Variants in HSD17B14 observed in about 807,000 individuals in gnomAD.
The protein encoded by HSD17B14 is L-fucose dehydrogenase.
Under a neutral mutation model 32.2 loss-of-function variants are expected in HSD17B14, and 32 were observed. That is an observed-to-expected ratio of 0.99 (90% CI 0.75 to 1.33). The LOEUF is 1.33. Ranked by LOEUF, HSD17B14 falls within the 40% of genes most tolerant of loss-of-function variation. The pLI, the probability that HSD17B14 is intolerant of heterozygous loss-of-function variation, is 0.00. For synonymous variants in HSD17B14, 140 were observed against 155.4 expected, an observed-to-expected ratio of 0.90 and a Z score of 0.74; for missense variants, 370 against 366.5, an observed-to-expected ratio of 1.01 and a Z score of -0.08.
chr19:48,830,364 G>A (rs1402906901), intron 5 of HSD17B14, among the ~76,000 whole-genome samples: 1 of 152,144 alleles, frequency 6.6e-6, no homozygotes, highest in Non-Finnish European at 1.5e-5. Context: ...ACCTTGGGAT[G>A]TGTTTAAAGC....
intron 4 of HSD17B14, among the ~76,000 whole-genome samples, chr19:48,832,156 G>C (rs1443740211): frequency 6.7e-6 from 1 of 149,694 alleles, no homozygotes; most frequent in Non-Finnish European, 1.5e-5. Context: ...GAGGTGGGCA[G>C]ATCATCTGAG....
chr19:48,829,956 T>A (rs1021991793), intron 5 of HSD17B14, among the ~76,000 whole-genome samples: 2 of 151,964 alleles, frequency 1.3e-5, no homozygotes, highest in African/African-American at 4.8e-5. Flanking sequence ...ATGCTCTTTT[T>A]AAAAATTAAT....
intron 5 of HSD17B14, among the ~76,000 whole-genome samples, chr19:48,819,438 C>T (rs1298971817): frequency 6.6e-6 from 1 of 152,178 alleles, no homozygotes; most frequent in Non-Finnish European, 1.5e-5. Flanking sequence ...TGCCACAGCT[C>T]CCTATTGCTC....
In HSD17B14 at chr19:48,815,038, T is replaced by C. The variant is rs1324576430; in HGVS notation, c.473A>G (p.Lys158Arg). ...QAQAVPYVAT[K>R]GAVTAMTKAL... is the part of the protein sequence containing the mutation. ...AGGAAGGGGTAGGGGCTGCCATACC[T>C]TGGTGGCCACATAGGGAACTGCCTG... The change falls in exon 6 of 9, where the codon AAG (lysine) becomes AGG (arginine). Residue 158 changes from lysine (K) to arginine (R), a missense_variant and splice_region_variant. By Grantham distance (26) the Lys-to-Arg change is conservative. Coordinates refer to ENST00000263278, the MANE Select transcript of HSD17B14 (RefSeq NM_016246.3). 6.2e-7 allele frequency: 1 copy of C among 1,612,298 alleles called. No homozygotes were observed. The highest frequency in any genetic ancestry group is 1.3e-5 in the African/African-American group (1 of 74,828).
chr19:48,831,630 G>T, intron 5 of HSD17B14, 38 bp downstream of exon 5: 1 of 1,386,464 alleles, frequency 7.2e-7, no homozygotes, highest in Non-Finnish European at 1.0e-6. Context: ...CCTATCAGGA[G>T]GCTGCTCGGG....
At chr19:48,816,359 G>A (rs1284350711) in intron 5 of HSD17B14, among the ~76,000 whole-genome samples, 4 of 151,994 alleles carry the variant, frequency 2.6e-5, no homozygotes, top group African/African-American at 4.8e-5. Context: ...CCTCCCAAAC[G>A]ACCTCCACCC....
intron 2 of HSD17B14, among the ~76,000 whole-genome samples, chr19:48,834,959 G>A (rs1349466129): frequency 2.8e-5 from 1 of 35,966 alleles, no homozygotes; most frequent in Admixed American, 2.4e-4. Context: ...GTCTGAGGGA[G>A]GAGGGGCTGG....
intron 5 of HSD17B14, among the ~76,000 whole-genome samples, chr19:48,823,938 G>A (rs967175503): frequency 6.7e-6 from 1 of 150,026 alleles, no homozygotes; most frequent in African/African-American, 2.4e-5. Context: ...ACTGCATCCG[G>A]TCTATTTTTC....
chr19:48,832,196 AT>A (rs2035350722), intron 4 of HSD17B14, among the ~76,000 whole-genome samples: 1 of 151,490 alleles, frequency 6.6e-6, no homozygotes, highest in Admixed American at 6.6e-5. Context: ...CCTGGCTAAC[AT>A]GATGAACCCC....
Position 48,818,943 on chromosome 19 carries a change from T to C in HSD17B14, c.370-3802A>G, listed in dbSNP as rs572620452. On this transcript the variant is annotated intron_variant, in intron 5 of 8. Coordinates refer to ENST00000263278, the MANE Select transcript of HSD17B14 (RefSeq NM_016246.3). ...AGAACAGGGGCCAGATCACGAGGCC[T>C]TGAAGGCCCCCACTTCTCCCTTGGA... Among the ~76,000 whole-genome samples the C allele has an allele frequency of 2.6e-5, 4 of 152,284 alleles. No homozygotes were observed. In the East Asian group the frequency reaches 5.8e-4, roughly 22 times the overall value.
intron 5 of HSD17B14, among the ~76,000 whole-genome samples, chr19:48,819,487 G>A (rs2035110941): frequency 6.6e-6 from 1 of 152,054 alleles, no homozygotes; most frequent in South Asian, 2.1e-4. Flanking sequence ...GCCCTTCAAG[G>A]CCCTGCCTGA....
intron 3 of HSD17B14, 36 bp from the exon 4 acceptor site, chr19:48,832,768 T>C (rs1479164580): frequency 1.3e-6 from 2 of 1,552,652 alleles, no homozygotes; most frequent in Non-Finnish European, 8.8e-7. Flanking sequence ...TTTTTTTTTT[T>C]TGGAGACGGT....
In HSD17B14 at chr19:48,813,524, G is replaced by A; in HGVS notation, c.571C>T (p.Leu191=). The A allele has an allele frequency of 6.2e-7, 1 of 1,614,118 alleles. No homozygotes were observed. The highest frequency in any genetic ancestry group is 8.5e-7 in the Non-Finnish European group (1 of 1,179,992). The change falls in exon 8 of 9, where the codon CTG becomes TTG. Residue 191 remains leucine, a synonymous_variant. Coordinates refer to ENST00000263278, the MANE Select transcript of HSD17B14 (RefSeq NM_016246.3). ...ATTAAGGCTGCCAGCTCCTCCCACA[G>A]CGGGGTCCAGATGTTTCCTGGGGAG... is the stretch of plus-strand genomic sequence containing the variant. The part of the protein sequence containing the change: ...CISPGNIWTP[L]WEELAALMPD...
chr19:48,828,344 T>C (rs902964486), intron 5 of HSD17B14, among the ~76,000 whole-genome samples: 1 of 152,146 alleles, frequency 6.6e-6, no homozygotes, highest in African/African-American at 2.4e-5. Flanking sequence ...AGAAACCAAG[T>C]AGCCTCAAAA....
chr19:48,819,680 C>T (rs909893244), intron 5 of HSD17B14, among the ~76,000 whole-genome samples: 12 of 152,176 alleles, frequency 7.9e-5, no homozygotes, highest in African/African-American at 1.9e-4. Flanking sequence ...ATTCCCTGAA[C>T]GGGCCAGCCT....
intron 4 of HSD17B14, among the ~76,000 whole-genome samples, chr19:48,832,412 AAAAAG>A (rs900558422): frequency 3.3e-5 from 5 of 151,998 alleles, no homozygotes; most frequent in Non-Finnish European, 2.9e-5. Flanking sequence ...GAAGAGAAGA[AAAAAG>A]AAAAGAAAAG....
At chr19:48,828,657 C>T (rs555656585) in intron 5 of HSD17B14, among the ~76,000 whole-genome samples, 96 of 151,812 alleles carry the variant, frequency 6.3e-4, no homozygotes, top group African/African-American at 2.2e-3. Context: ...GAGCCAGGTG[C>T]GGTGGCTCAC....
chr19:48,834,556 A>G lies in HSD17B14; in HGVS notation c.128-198T>C, dbSNP rs11879099. 9.0e-3 allele frequency among the ~76,000 whole-genome samples: 567 copies of G among 63,092 alleles called. 31 individuals are homozygous for G. The highest frequency in any genetic ancestry group is 0.023 in the African/African-American group (135 of 5,998). The allele number at this position is 63,092 out of a possible 152,430, so 41.4% of individuals were successfully genotyped here. On this transcript the variant is annotated intron_variant, in intron 2 of 8. Transcript: ENST00000263278. ...CTGGACTCCTGGGTCTGAGGGAGGAAGGGCTGGGAGCCTGGACTCCTGGGT... is the reference window on the plus strand; with the variant it reads ...CTGGACTCCTGGGTCTGAGGGAGGAGGGGCTGGGAGCCTGGACTCCTGGGT...
chr19:48,820,801 G>C (rs1034885069), intron 5 of HSD17B14, among the ~76,000 whole-genome samples: 2 of 151,598 alleles, frequency 1.3e-5, no homozygotes, highest in African/African-American at 2.4e-5. Flanking sequence ...CCAGGAGTTC[G>C]AGACCTGCCT....
Sources: gnomAD v4.1 joint callset for allele counts (sites outside exome capture counted in the v4.1 genomes callset) on GRCh38, gnomAD v4.1.1 for gene constraint, MANE v1.5 for transcripts, NCBI Gene and HGNC (gene_info 2026-07-23, HGNC 2026-07-21) for gene names.